HDAC9: variants seen among roughly 807,000 people sequenced by gnomAD.
HDAC9 encodes MEF-2 interacting transcription repressor (MITR) protein.
Under a neutral mutation model 139.4 loss-of-function variants are expected in HDAC9, and 41 were observed. The observed-to-expected ratio is 0.29, with a 90% CI of 0.23 to 0.38. The LOEUF is 0.38. Ranked by LOEUF, HDAC9 falls within the 10% of genes least tolerant of loss-of-function variation. HDAC9 has a pLI of 1.00. For synonymous variants in HDAC9, 517 were observed against 476.2 expected, an observed-to-expected ratio of 1.09 and a Z score of -1.12; for missense variants, 1,147 against 1,297.0, an observed-to-expected ratio of 0.88 and a Z score of 1.78.
intron 24 of HDAC9, among the ~76,000 whole-genome samples, chr7:18,955,764 G>A (rs185928945): frequency 6.6e-6 from 1 of 152,086 alleles, no homozygotes; most frequent in Non-Finnish European, 1.5e-5. Context: ...CTTTCAACTG[G>A]GGGTGAGAGG....
chr7:18,507,057 C>A (rs1405562773), intron 2 of HDAC9, among the ~76,000 whole-genome samples: 2 of 151,854 alleles, frequency 1.3e-5, no homozygotes, highest in Admixed American at 6.6e-5. Flanking sequence ...ACTATTAACT[C>A]ATTTTTCCTA....
At chr7:18,905,328 G>A (rs893556487) in intron 22 of HDAC9, among the ~76,000 whole-genome samples, 2 of 152,174 alleles carry the variant, frequency 1.3e-5, no homozygotes, top group African/African-American at 4.8e-5. Context: ...GTTTAATAAG[G>A]CATTTTATAC....
At chr7:18,534,979 C>A (rs902340509) in intron 2 of HDAC9, among the ~76,000 whole-genome samples, 2 of 152,152 alleles carry the variant, frequency 1.3e-5, no homozygotes, top group Non-Finnish European at 1.5e-5. Context: ...CTTGACCACT[C>A]GTCTTCCTCT....
chr7:18,168,887 T>G (rs914881061), intron 2 of HDAC9, among the ~76,000 whole-genome samples: 5,784 of 115,794 alleles, frequency 0.05, 161 homozygotes, highest in Middle Eastern at 0.06. Context: ...TTGTTTTTTT[T>G]TTTTTTTTTT....
At chr7:18,276,270 T>C (rs748036181) in intron 2 of HDAC9, among the ~76,000 whole-genome samples, 6 of 152,174 alleles carry the variant, frequency 3.9e-5, no homozygotes, top group Non-Finnish European at 5.9e-5. Flanking sequence ...AATAGGTAGC[T>C]CAGAGTAATG....
At chr7:18,694,284 G>T (rs1389518428) in intron 12 of HDAC9, among the ~76,000 whole-genome samples, 2 of 152,110 alleles carry the variant, frequency 1.3e-5, no homozygotes, top group Non-Finnish European at 2.9e-5. Flanking sequence ...GAGGCAAAGG[G>T]TTAATTGTCA....
intron 13 of HDAC9, among the ~76,000 whole-genome samples, chr7:18,733,227 A>G (rs1344339309): frequency 6.7e-6 from 1 of 148,994 alleles, no homozygotes; most frequent in Non-Finnish European, 1.5e-5. Context: ...ACGTATATAC[A>G]CATATATACA....
chr7:18,952,168 CT>C (rs948188352), intron 23 of HDAC9, among the ~76,000 whole-genome samples: 1 of 151,880 alleles, frequency 6.6e-6, no homozygotes, highest in African/African-American at 2.4e-5. Context: ...ATTTAATTGC[CT>C]TAATTCTCTG....
At chr7:18,914,367 A>G (rs933216542) in intron 22 of HDAC9, among the ~76,000 whole-genome samples, 17 of 151,792 alleles carry the variant, frequency 1.1e-4, no homozygotes, top group Non-Finnish European at 8.8e-5. Context: ...CAGGTTTTCA[A>G]TGTGGAAGTA....
intron 2 of HDAC9, among the ~76,000 whole-genome samples, chr7:18,175,762 T>G (rs1788842980): frequency 7.5e-6 from 1 of 133,664 alleles, no homozygotes; most frequent in Admixed American, 7.7e-5. Context: ...TGTAAAATTA[T>G]TTTTAACCCC....
intron 23 of HDAC9, among the ~76,000 whole-genome samples, chr7:18,937,742 G>C (rs1333898116): frequency 4.6e-5 from 7 of 152,146 alleles, no homozygotes; most frequent in Non-Finnish European, 8.8e-5. Context: ...ATAGGTTGTG[G>C]ATCTGTAGCT....
chr7:18,628,200 A>G (rs1264848348), intron 6 of HDAC9, among the ~76,000 whole-genome samples: 1 of 152,186 alleles, frequency 6.6e-6, no homozygotes, highest in Non-Finnish European at 1.5e-5. Flanking sequence ...AAGCTGGAAG[A>G]GCAACATTTT....
intron 2 of HDAC9, among the ~76,000 whole-genome samples, chr7:18,504,318 T>C (rs1799171719): frequency 6.6e-6 from 1 of 152,202 alleles, no homozygotes. Context: ...TTTTGTTCTG[T>C]TTTTTGAGAC....
At chr7:18,589,321 T>A (rs1490345761) in intron 3 of HDAC9, among the ~76,000 whole-genome samples, 1 of 151,712 alleles carries the variant, frequency 6.6e-6, no homozygotes, top group Non-Finnish European at 1.5e-5. Flanking sequence ...AGGCCAGGAG[T>A]TTGAGACTAG....
chr7:18,952,824 T>A (rs971215638), intron 23 of HDAC9, among the ~76,000 whole-genome samples: 4 of 151,526 alleles, frequency 2.6e-5, no homozygotes, highest in Non-Finnish European at 5.9e-5. Flanking sequence ...GATGTTTTTT[T>A]TTTTTTTTCC....
chr7:18,862,169 G>A (rs1389530037), intron 21 of HDAC9, among the ~76,000 whole-genome samples: 2 of 152,176 alleles, frequency 1.3e-5, no homozygotes, highest in East Asian at 3.9e-4. Flanking sequence ...GAATCGTTCT[G>A]AAAGGCCAGG....
chr7:18,808,991 C>G (rs972473361), intron 17 of HDAC9, among the ~76,000 whole-genome samples: 1 of 151,918 alleles, frequency 6.6e-6, no homozygotes, highest in African/African-American at 2.4e-5. Flanking sequence ...TAAAAATGAA[C>G]ATATAGACCA....
intron 2 of HDAC9, among the ~76,000 whole-genome samples, chr7:18,527,808 C>T (rs533539445): frequency 5.9e-5 from 9 of 152,058 alleles, no homozygotes; most frequent in African/African-American, 2.2e-4. Context: ...ATAACAACTT[C>T]TATACAGAAG....
intron 1 of HDAC9, among the ~76,000 whole-genome samples, chr7:18,297,117 C>G (rs964534463): frequency 1.3e-5 from 2 of 151,904 alleles, no homozygotes; most frequent in Non-Finnish European, 1.5e-5. Context: ...CGTGTAGGTA[C>G]GAGTTGAAGC....
Sources: allele counts gnomAD v4.1 joint callset (sites outside exome capture counted in the v4.1 genomes callset), GRCh38; gene constraint gnomAD v4.1.1; transcripts MANE v1.5; gene names NCBI Gene and HGNC (gene_info 2026-07-23, HGNC 2026-07-21).